The following CNTN5 variants were observed in gnomAD, a reference collection of about 807,000 sequenced individuals.
The protein encoded by CNTN5 is contactin-5.
In CNTN5, 77 loss-of-function variants were observed where a neutral mutation model predicts 129.1. That is an observed-to-expected ratio of 0.60 (90% confidence interval 0.50 to 0.72). The LOEUF is 0.72. CNTN5 is among the 30% of genes least tolerant of loss of function. CNTN5 has a pLI of 0.00. For synonymous variants in CNTN5, 509 were observed against 465.6 expected (o/e 1.09, Z -1.20); for missense variants, 1,478 against 1,328.8 (o/e 1.11, Z -1.75).
chr11:99,553,363 T>C (rs903638469), intron 2 of CNTN5, among the ~76,000 whole-genome samples: 1 of 152,082 alleles, frequency 6.6e-6, no homozygotes, highest in Middle Eastern at 3.2e-3. Context: ...TATTCATTGA[T>C]TATAACTTAA....
intron 4 of CNTN5, among the ~76,000 whole-genome samples, chr11:99,824,247 A>C (rs1337251475): frequency 6.6e-6 from 1 of 151,968 alleles, no homozygotes; most frequent in Non-Finnish European, 1.5e-5. Context: ...TACCAACATT[A>C]TTGTATAGGT....
At chr11:99,637,663 T>G (rs193158280) in intron 3 of CNTN5, among the ~76,000 whole-genome samples, 215 of 152,204 alleles carry the variant, frequency 1.4e-3, no homozygotes, top group African/African-American at 5.1e-3. Context: ...TTGAGTATAT[T>G]CACATAATGT....
chr11:100,246,515 G>T (rs1481668941), intron 16 of CNTN5, among the ~76,000 whole-genome samples: 2 of 152,002 alleles, frequency 1.3e-5, no homozygotes, highest in Admixed American at 1.3e-4. Flanking sequence ...TAGCTCTTGG[G>T]TACAGCTCAT....
intron 1 of CNTN5, among the ~76,000 whole-genome samples, chr11:99,222,359 G>A (rs555721592): frequency 7.3e-5 from 11 of 151,642 alleles, no homozygotes; most frequent in South Asian, 4.2e-4. Flanking sequence ...GGGGGTTGGG[G>A]GGACAGGAAA....
chr11:100,219,395 G>C (rs575251206), intron 15 of CNTN5, among the ~76,000 whole-genome samples: 1 of 152,282 alleles, frequency 6.6e-6, no homozygotes, highest in African/African-American at 2.4e-5. Context: ...CTACAAGTCA[G>C]CCCAGGAAAA....
chr11:99,651,017 A>G (rs1952135118), intron 3 of CNTN5, among the ~76,000 whole-genome samples: 1 of 151,974 alleles, frequency 6.6e-6, no homozygotes, highest in Non-Finnish European at 1.5e-5. Context: ...AAATTGTCTC[A>G]TCGTTTCTAA....
chr11:99,733,961 T>C (rs867469111), intron 3 of CNTN5, among the ~76,000 whole-genome samples: 3 of 152,296 alleles, frequency 2.0e-5, no homozygotes, highest in Admixed American at 6.5e-5. Flanking sequence ...CTCTGGCACC[T>C]GCAGCTGAAG....
chr11:99,925,815 A>G (rs1260438966), intron 7 of CNTN5, among the ~76,000 whole-genome samples: 1 of 152,132 alleles, frequency 6.6e-6, no homozygotes, highest in Non-Finnish European at 1.5e-5. Context: ...AAAGACAGAT[A>G]AGATATAAGT....
At chr11:99,956,781 T>C in intron 7 of CNTN5, 25 bp from the exon 8 acceptor site, 1 of 1,599,836 alleles carries the variant, frequency 6.3e-7, no homozygotes, top group Non-Finnish European at 8.6e-7. Context: ...AAGTCTTTCG[T>C]TGACCAAATT....
intron 1 of CNTN5, among the ~76,000 whole-genome samples, chr11:99,259,042 G>A (rs958857403): frequency 2.7e-5 from 4 of 148,450 alleles, no homozygotes; most frequent in African/African-American, 1.0e-4. Context: ...TTCGAGTTAT[G>A]ATATAACACT....
chr11:99,342,571 CAAAAAAAAAAA>C (rs58710723), intron 2 of CNTN5, among the ~76,000 whole-genome samples: 5 of 24,492 alleles, frequency 2.0e-4, no homozygotes, highest in African/African-American at 1.0e-3. Context: ...CCCGTTATCT[CAAAAAAAAAAA>C]AAAAAAAAAA....
At chr11:99,782,395 A>C (rs1945344260) in intron 3 of CNTN5, among the ~76,000 whole-genome samples, 1 of 149,714 alleles carries the variant, frequency 6.7e-6, no homozygotes, top group African/African-American at 2.5e-5. Flanking sequence ...GAAAATGGCC[A>C]TACTGCCCAA....
At chr11:99,029,270 T>C (rs567297460) in intron 1 of CNTN5, among the ~76,000 whole-genome samples, 1 of 152,022 alleles carries the variant, frequency 6.6e-6, no homozygotes, top group African/African-American at 2.4e-5. Flanking sequence ...TGGAAGGGGA[T>C]ATTGAGATCT....
At chr11:99,676,313 A>G (rs1228073558) in intron 3 of CNTN5, among the ~76,000 whole-genome samples, 1 of 152,214 alleles carries the variant, frequency 6.6e-6, no homozygotes, top group Non-Finnish European at 1.5e-5. Context: ...CATAGACTAC[A>G]ACATAAAAAC....
intron 1 of CNTN5, among the ~76,000 whole-genome samples, chr11:99,282,683 G>C (rs1030278955): frequency 1.3e-5 from 2 of 152,174 alleles, no homozygotes; most frequent in Admixed American, 6.6e-5. Context: ...ACACAGAAAA[G>C]TTACCACTGA....
chr11:100,169,492 T>C (rs189342141), intron 13 of CNTN5, among the ~76,000 whole-genome samples: 127 of 152,094 alleles, frequency 8.4e-4, no homozygotes, highest in Non-Finnish European at 1.4e-3. Flanking sequence ...CCATCTACGG[T>C]GAAGACCCTT....
At chr11:99,730,542 G>A (rs190615460) in intron 3 of CNTN5, among the ~76,000 whole-genome samples, 5 of 152,240 alleles carry the variant, frequency 3.3e-5, no homozygotes, top group Admixed American at 2.0e-4. Context: ...GGTAATACTT[G>A]TAGAAGCAAG....
intron 2 of CNTN5, among the ~76,000 whole-genome samples, chr11:99,353,287 G>C (rs61894580): frequency 0.05 from 7,642 of 152,170 alleles, 360 homozygotes; most frequent in East Asian, 0.16. Context: ...CATTCAAACT[G>C]ATGTAAGTGT....
chr11:99,217,364 C>A (rs1860183212), intron 1 of CNTN5, among the ~76,000 whole-genome samples: 1 of 152,072 alleles, frequency 6.6e-6, no homozygotes, highest in Non-Finnish European at 1.5e-5. Context: ...GAATGCTGAT[C>A]AAAACAATAA....
Sources: allele counts gnomAD v4.1 joint callset (sites outside exome capture counted in the v4.1 genomes callset), GRCh38; gene constraint gnomAD v4.1.1; transcripts MANE v1.5; gene names NCBI Gene and HGNC (gene_info 2026-07-23, HGNC 2026-07-21).